SACS: variants seen among roughly 807,000 people sequenced by gnomAD.
SACS encodes the protein sacsin molecular chaperone, also known as sacsin.
SACS carries 197 observed loss-of-function variants against 348.0 expected under a neutral mutation model. That is an observed-to-expected ratio of 0.57 (90% CI 0.50 to 0.64). The LOEUF (loss-of-function observed/expected upper bound fraction) is 0.64, where lower values mean the gene tolerates loss of function less well. Ranked by LOEUF, SACS falls within the 30% of genes least tolerant of loss-of-function variation. The pLI, the probability that SACS is intolerant of heterozygous loss-of-function variation, is 0.00. For synonymous variants in SACS, 1,985 were observed against 1,910.6 expected (o/e 1.04, Z -1.02); for missense variants, 4,999 against 5,360.8 (o/e 0.93, Z 2.11).
chr13:23,431,510 T>C (rs1874432149), intron 1 of SACS, among the ~76,000 whole-genome samples: 1 of 152,146 alleles, frequency 6.6e-6, no homozygotes, highest in Non-Finnish European at 1.5e-5. Context: ...AAAGAGCAAA[T>C]TGCCACCCAG....
At chr13:23,347,301 A>G (rs1869670974) in intron 9 of SACS, among the ~76,000 whole-genome samples, 1 of 152,178 alleles carries the variant, frequency 6.6e-6, no homozygotes, top group Non-Finnish European at 1.5e-5. Context: ...AAGAGATTTT[A>G]TCATCTATTT....
At chr13:23,370,778 C>A (rs952925828) in intron 4 of SACS, among the ~76,000 whole-genome samples, 1 of 152,192 alleles carries the variant, frequency 6.6e-6, no homozygotes, top group African/African-American at 2.4e-5. Flanking sequence ...GCCTGGCCAA[C>A]ATGGTAAAAC....
At position 23,332,421 on chromosome 13, in the gene SACS, A is replaced by G. The variant is rs1253935620; in HGVS notation, c.11455T>C (p.Ser3819Pro). ...EEVVINLEYE[S>P]DFKPYLYKLP... The stretch of plus-strand genomic sequence containing the variant: ...TTGTACAAATAAGGTTTAAAATCAG[A>G]TTCATATTCTAGGTTTATGACTACC... The change falls in exon 10 of 10, where the codon TCT (serine) becomes CCT (proline). Residue 3819 changes from serine (S) to proline (P), a missense_variant. This residue lies in a region of SACS where 831 missense variants were observed against 941.8 expected (regional missense o/e 0.88). Coordinates refer to ENST00000382292, the MANE Select transcript of SACS (RefSeq NM_014363.6). 6.2e-7 allele frequency: 1 copy of G among 1,613,964 alleles called. No individual in the cohort carries two copies. The highest frequency in any genetic ancestry group is 8.5e-7 in the Non-Finnish European group (1 of 1,179,916).
rs555649341 is a variant in SACS, at chr13:23,404,901, A to G, written c.20+6319T>C. 8.2e-4 allele frequency among the ~76,000 whole-genome samples: 125 copies of G among 152,344 alleles called. 2 individuals are homozygous for G. The South Asian group carries it at 0.024, about 29-fold the overall frequency. ...AGGACTACAAACCACTGCTCAAGGA[A>G]ATATGAGAGGACACAAACAAATGAA... On this transcript the variant is annotated intron_variant, in intron 2 of 9. Transcript: ENST00000382292.
intron 6 of SACS, among the ~76,000 whole-genome samples, chr13:23,361,204 C>G (rs566555391): frequency 2.8e-4 from 43 of 152,234 alleles, no homozygotes; most frequent in Middle Eastern, 3.4e-3. Context: ...TGCTCAGTGG[C>G]AGAACCAGGC....
At position 23,330,020 on chromosome 13, in the gene SACS, C is replaced by A; in HGVS notation, c.*116G>T. 1.1e-6 allele frequency: 1 copy of A among 926,466 alleles called. No homozygotes were observed. The highest frequency in any genetic ancestry group is 1.5e-5 in the South Asian group (1 of 67,092). The allele number at this position is 926,466 out of a possible 1,614,324, so 57.4% of individuals were successfully genotyped here. On this transcript the variant is annotated 3_prime_UTR_variant, in exon 10 of 10. Coordinates refer to ENST00000382292, the MANE Select transcript of SACS (RefSeq NM_014363.6). ...TAACAACTCCAGAATTCTCCAAGAA[C>A]AATCTGCAATGTGCTTAACAATTCC...
chr13:23,403,663 G>C (rs111444679), intron 2 of SACS, among the ~76,000 whole-genome samples: 14 of 151,748 alleles, frequency 9.2e-5, no homozygotes, highest in African/African-American at 3.4e-4. Context: ...TCTGGCTAGC[G>C]ATCTATTTTG....
At chr13:23,421,818 T>C (rs1464600322) in intron 1 of SACS, among the ~76,000 whole-genome samples, 3 of 152,082 alleles carry the variant, frequency 2.0e-5, no homozygotes, top group Non-Finnish European at 2.9e-5. Context: ...ACCTGGGGCC[T>C]GTAGTCTACC....
At chr13:23,344,558 T>C (rs1246520142) in intron 9 of SACS, among the ~76,000 whole-genome samples, 1 of 152,240 alleles carries the variant, frequency 6.6e-6, no homozygotes, top group Non-Finnish European at 1.5e-5. Context: ...ATTTAAGACA[T>C]TCAGCTTTTT....
chr13:23,378,440 C>T (rs1871900813), intron 2 of SACS, among the ~76,000 whole-genome samples: 1 of 152,068 alleles, frequency 6.6e-6, no homozygotes, highest in Admixed American at 6.5e-5. Context: ...CCTCTTACGT[C>T]GATCACCACC....
intron 6 of SACS, among the ~76,000 whole-genome samples, chr13:23,358,952 T>C (rs1404309814): frequency 1.3e-5 from 2 of 151,958 alleles, no homozygotes; most frequent in East Asian, 3.9e-4. Flanking sequence ...GGCCAAAGCG[T>C]ATAGATCACC....
rs74572052 is a variant in SACS at position 23,350,692 on chromosome 13, T to A, written c.2185+3093A>T. On this transcript the variant is annotated intron_variant, in intron 9 of 9. Transcript: ENST00000382292. ...GCAAAGCAATGGAGTAATCATTATGTAGAGCAAAAAATATCAAATGTAGTT... is the reference window on the plus strand; with the variant it reads ...GCAAAGCAATGGAGTAATCATTATGAAGAGCAAAAAATATCAAATGTAGTT... Among the ~76,000 whole-genome samples, 12 of 152,308 alleles carry A rather than the reference T, an allele frequency of 7.9e-5. No individual in the cohort carries two copies. The East Asian group carries it at 2.3e-3, about 29-fold the overall frequency.
chr13:23,407,567 A>G (rs1873287363), intron 2 of SACS, among the ~76,000 whole-genome samples: 1 of 152,210 alleles, frequency 6.6e-6, no homozygotes, highest in Non-Finnish European at 1.5e-5. Context: ...TCTATCACCA[A>G]GTCTCAACAG....
intron 2 of SACS, among the ~76,000 whole-genome samples, chr13:23,391,851 AAGTGCCCATC>A (rs67166472): frequency 0.22 from 33,984 of 152,030 alleles, 3,836 homozygotes; most frequent in South Asian, 0.31. Flanking sequence ...AAGTACTGCA[AAGTGCCCATC>A]AGTGTGGGTT....
intron 4 of SACS, among the ~76,000 whole-genome samples, chr13:23,370,125 T>C (rs1871295758): frequency 1.3e-5 from 2 of 152,220 alleles, no homozygotes; most frequent in Non-Finnish European, 2.9e-5. Context: ...CCCAAAGTGC[T>C]GGGATTACAA....
intron 1 of SACS, among the ~76,000 whole-genome samples, chr13:23,424,342 A>G (rs1468038134): frequency 6.6e-6 from 1 of 152,210 alleles, no homozygotes; most frequent in African/African-American, 2.4e-5. Context: ...CCTGGCTAAC[A>G]TGGAAAAACC....
chr13:23,351,059 G>T (rs1470324331), intron 9 of SACS, among the ~76,000 whole-genome samples: 1 of 152,124 alleles, frequency 6.6e-6, no homozygotes, highest in African/African-American at 2.4e-5. Flanking sequence ...CAGTGACAGA[G>T]GTGGCTTCTG....
intron 1 of SACS, chr13:23,427,192 T>C (rs1487019543): frequency 6.6e-6 from 1 of 152,256 alleles, no homozygotes; most frequent in South Asian, 2.1e-4. Context: ...AGACGGTTTT[T>C]GCAAATATTA....
At chr13:23,382,785 TTTTG>T in intron 2 of SACS, among the ~76,000 whole-genome samples, 1 of 146,848 alleles carries the variant, frequency 6.8e-6, no homozygotes, top group African/African-American at 2.6e-5. Flanking sequence ...TGTGTGTGGT[TTTTG>T]TTTTTTTTTT....
Sources: allele counts gnomAD v4.1 joint callset (sites outside exome capture counted in the v4.1 genomes callset), GRCh38; gene constraint gnomAD v4.1.1; regional missense constraint gnomAD v4.1.1; transcripts MANE v1.5; gene names NCBI Gene and HGNC (gene_info 2026-07-23, HGNC 2026-07-21).